Variants in GDA observed in about 807,000 individuals in gnomAD.
GDA encodes the protein cytoplasmic PSD-95 interactor.
GDA carries 18 observed loss-of-function variants against 59.6 expected under a neutral mutation model. The observed-to-expected ratio is 0.30, with a 90% confidence interval of 0.21 to 0.45. GDA has a LOEUF of 0.45. Ranked by LOEUF, GDA falls within the 20% of genes least tolerant of loss-of-function variation. GDA has a pLI of 1.00. For missense variants in GDA, 427 were observed against 552.3 expected (o/e 0.77, Z 2.27); for synonymous variants, 201 against 201.1 (o/e 1.00, Z 0.00).
chr9:72,152,060 A>G (rs925444814), intron 1 of GDA, among the ~76,000 whole-genome samples: 24 of 152,186 alleles, frequency 1.6e-4, no homozygotes, highest in African/African-American at 5.8e-4. Flanking sequence ...GTGGCATTCC[A>G]ACAAGCATCC....
intron 5 of GDA, among the ~76,000 whole-genome samples, chr9:72,216,898 A>G (rs1428861108): frequency 6.6e-6 from 1 of 152,060 alleles, no homozygotes; most frequent in Non-Finnish European, 1.5e-5. Context: ...GATGCTCTCG[A>G]TCTCCTGACC....
At chr9:72,194,250 C>CAACATAGT (rs1310076390) in intron 1 of GDA, 6 of 152,244 alleles carry the variant, frequency 3.9e-5, no homozygotes, top group Non-Finnish European at 7.3e-5. Flanking sequence ...TGCTGAGTTT[C>CAACATAGT]ACCCAAGGCC....
At chr9:72,159,405 AAG>A (rs1223919858) in intron 1 of GDA, among the ~76,000 whole-genome samples, 2 of 152,120 alleles carry the variant, frequency 1.3e-5, no homozygotes, top group African/African-American at 4.8e-5. Flanking sequence ...AAAAAAGAAA[AAG>A]AGAAAAAAAA....
chr9:72,183,804 T>C, intron 1 of GDA, among the ~76,000 whole-genome samples: 1 of 152,320 alleles, frequency 6.6e-6, no homozygotes, highest in Non-Finnish European at 1.5e-5. Flanking sequence ...TTTATTATTA[T>C]CAGACATCCC....
At chr9:72,252,615 A>G (rs1227612534), downstream of GDA, among the ~76,000 whole-genome samples, 4 of 152,114 alleles carry the variant, frequency 2.6e-5, no homozygotes, top group East Asian at 7.7e-4. Context: ...GCCCTGGGCT[A>G]TTTTCTATAC....
In GDA at chr9:72,160,490, C is replaced by A. The variant is rs909821355; in HGVS notation, c.123+10808C>A. Among the ~76,000 whole-genome samples the A allele has an allele frequency of 2.6e-5, 4 of 152,144 alleles. No individual in the cohort carries two copies. The South Asian group carries it at 8.3e-4, about 31-fold the overall frequency. On this transcript the variant is annotated intron_variant, in intron 1 of 13. Transcript: ENST00000358399. ...TAGATGGACACATATAATACATAAC[C>A]TTTTGTGTCTGGCTTTTTAGACTTA...
chr9:72,166,800 C>T (rs1306673188), intron 1 of GDA, among the ~76,000 whole-genome samples: 1 of 152,166 alleles, frequency 6.6e-6, no homozygotes, highest in Non-Finnish European at 1.5e-5. Context: ...ATTTACCATA[C>T]TCATCATTTC....
intron 1 of GDA, among the ~76,000 whole-genome samples, chr9:72,185,568 T>G (rs1024433938): frequency 3.9e-5 from 6 of 152,224 alleles, no homozygotes. Flanking sequence ...GTTCAAAAAC[T>G]TCAAGAAATT....
At chr9:72,194,992 C>T (rs572975390) in intron 1 of GDA, among the ~76,000 whole-genome samples, 5 of 152,294 alleles carry the variant, frequency 3.3e-5, no homozygotes, top group East Asian at 1.9e-4. Context: ...CACATCACCA[C>T]GCCCTGGGGG....
At chr9:72,180,769 G>GA (rs367881014) in intron 1 of GDA, among the ~76,000 whole-genome samples, 21 of 150,564 alleles carry the variant, frequency 1.4e-4, no homozygotes, top group Non-Finnish European at 2.2e-4. Flanking sequence ...CTGAATTTAG[G>GA]AAAAAAAAAT....
At chr9:72,198,432 G>A (rs1016613291) in intron 2 of GDA, among the ~76,000 whole-genome samples, 6 of 151,938 alleles carry the variant, frequency 3.9e-5, no homozygotes, top group Admixed American at 1.3e-4. Flanking sequence ...CCAGCTACTC[G>A]GGAGGCTGAT....
At chr9:72,191,585 C>T (rs1832556585) in intron 1 of GDA, among the ~76,000 whole-genome samples, 1 of 151,728 alleles carries the variant, frequency 6.6e-6, no homozygotes, top group South Asian at 2.1e-4. Context: ...CATTCTCCTG[C>T]CTCAGCCTCT....
chr9:72,116,899 A>G (rs1401046971), intron 1 of GDA, among the ~76,000 whole-genome samples: 1 of 151,686 alleles, frequency 6.6e-6, no homozygotes, highest in Non-Finnish European at 1.5e-5. Context: ...TACATTAGGT[A>G]TATCTCCTAA....
Position 72,251,200 on chromosome 9 carries a change from C to T in GDA, c.*2858C>T, listed in dbSNP as rs764101605. On this transcript the variant is annotated 3_prime_UTR_variant, in exon 14 of 14. Coordinates refer to ENST00000358399, the MANE Select transcript of GDA (RefSeq NM_004293.5). ...TTAAAGGGAAAGAAATGGTGGGAAA[C>T]TCTCCCCGTAATGCTTAGCCAACTT... 38 of 182,590 alleles carry T rather than the reference C, an allele frequency of 2.1e-4. No homozygotes were observed. The highest frequency in any genetic ancestry group is 3.1e-4 in the Non-Finnish European group (27 of 88,046). The allele number at this position is 182,590 out of a possible 1,614,324, so 11.3% of individuals were successfully genotyped here.
At chr9:72,136,569 C>T (rs1230838229) in intron 1 of GDA, among the ~76,000 whole-genome samples, 1 of 152,210 alleles carries the variant, frequency 6.6e-6, no homozygotes, top group Non-Finnish European at 1.5e-5. Context: ...CCACCATTTT[C>T]AAATCCTGGA....
At chr9:72,133,308 A>AAAAAAAAAAAAAAAAAAAAT (rs767205305) in intron 1 of GDA, among the ~76,000 whole-genome samples, 1 of 101,558 alleles carries the variant, frequency 9.8e-6, no homozygotes, top group Non-Finnish European at 2.1e-5. Flanking sequence ...AAAAAAAAAA[A>AAAAAAAAAAAAAAAAAAAAT]AATAATAATA....
intron 1 of GDA, among the ~76,000 whole-genome samples, chr9:72,180,519 AGAGT>A (rs1283069102): frequency 6.6e-6 from 1 of 152,158 alleles, no homozygotes; most frequent in East Asian, 1.9e-4. Context: ...AAAGAGAGAG[AGAGT>A]GAGTGCTTTT....
chr9:72,117,410 ATC>A (rs1289749494), intron 1 of GDA, among the ~76,000 whole-genome samples: 5 of 152,232 alleles, frequency 3.3e-5, no homozygotes, highest in African/African-American at 1.2e-4. Context: ...ATACAGAACA[ATC>A]TCTCTCTTTC....
intron 3 of GDA, among the ~76,000 whole-genome samples, chr9:72,207,660 T>A (rs1294501460): frequency 2.0e-5 from 3 of 152,238 alleles, no homozygotes; most frequent in African/African-American, 7.2e-5. Flanking sequence ...CATCCTTGTC[T>A]GTAATTGACA....
Sources: gnomAD v4.1 joint callset for allele counts (sites outside exome capture counted in the v4.1 genomes callset) on GRCh38, gnomAD v4.1.1 for gene constraint, MANE v1.5 for transcripts, NCBI Gene and HGNC (gene_info 2026-07-23, HGNC 2026-07-21) for gene names.